Variants in ZNF277 observed in about 807,000 individuals in gnomAD.
ZNF277 encodes the protein nuclear receptor-interacting factor 4.
ZNF277 carries 55 observed loss-of-function variants against 60.7 expected under a neutral mutation model. That is an observed-to-expected ratio of 0.91 (90% confidence interval 0.73 to 1.13). ZNF277 has a LOEUF of 1.13. Ranked by LOEUF, ZNF277 falls within the 50% of genes most tolerant of loss-of-function variation. The pLI, the probability that ZNF277 is intolerant of heterozygous loss-of-function variation, is 0.00. For synonymous variants in ZNF277, 178 were observed against 179.3 expected (o/e 0.99, Z 0.06); for missense variants, 510 against 523.0 (o/e 0.98, Z 0.24).
intron 4 of ZNF277, among the ~76,000 whole-genome samples, chr7:112,314,875 T>A (rs1385264377): frequency 6.6e-6 from 1 of 152,106 alleles, no homozygotes; most frequent in Non-Finnish European, 1.5e-5. Context: ...GGGATTTTAT[T>A]CAGTAGAAAA....
intron 4 of ZNF277, among the ~76,000 whole-genome samples, chr7:112,317,956 T>C (rs181323839): frequency 2.0e-5 from 3 of 152,234 alleles, no homozygotes; most frequent in African/African-American, 7.2e-5. Flanking sequence ...AAAACCTTGT[T>C]GATTTTAATT....
At chr7:112,210,839 C>G (rs1443531891) in intron 1 of ZNF277, among the ~76,000 whole-genome samples, 1 of 152,164 alleles carries the variant, frequency 6.6e-6, no homozygotes, top group Non-Finnish European at 1.5e-5. Context: ...TTCAATTTGT[C>G]TCCTAAAATT....
intron 1 of ZNF277, among the ~76,000 whole-genome samples, chr7:112,271,250 T>G (rs1212978789): frequency 2.6e-5 from 4 of 152,182 alleles, no homozygotes; most frequent in Non-Finnish European, 5.9e-5. Flanking sequence ...ATTTTTGTTA[T>G]GTAAAACAGG....
intron 1 of ZNF277, among the ~76,000 whole-genome samples, chr7:112,208,662 C>T: frequency 8.2e-6 from 1 of 122,296 alleles, no homozygotes; most frequent in African/African-American, 3.1e-5. Context: ...TGACACACGT[C>T]TGTATGATTT....
chr7:112,206,941 GGTGGCCCA>G, intron 1 of ZNF277, 134 bp downstream of exon 1: 1 of 821,432 alleles, frequency 1.2e-6, no homozygotes. Context: ...CCCCACGGGT[GGTGGCCCA>G]GCGGGATGGG....
At chr7:112,213,943 A>G (rs775692090) in intron 1 of ZNF277, among the ~76,000 whole-genome samples, 10 of 152,250 alleles carry the variant, frequency 6.6e-5, no homozygotes, top group Non-Finnish European at 1.3e-4. Flanking sequence ...GTGAGATGAT[A>G]TAATAGTCTG....
At chr7:112,306,928 C>T (rs1792610570) in intron 4 of ZNF277, among the ~76,000 whole-genome samples, 1 of 152,028 alleles carries the variant, frequency 6.6e-6, no homozygotes, top group Non-Finnish European at 1.5e-5. Context: ...CCCCAGAACA[C>T]TAATACACAC....
At chr7:112,246,247 G>A (rs538985689) in intron 1 of ZNF277, among the ~76,000 whole-genome samples, 2 of 152,044 alleles carry the variant, frequency 1.3e-5, no homozygotes, top group Non-Finnish European at 1.5e-5. Flanking sequence ...AATTAGCCAG[G>A]CATGATGGTA....
At chr7:112,339,308 G>A (rs949130512) in intron 9 of ZNF277, among the ~76,000 whole-genome samples, 7 of 152,178 alleles carry the variant, frequency 4.6e-5, no homozygotes, top group Non-Finnish European at 1.0e-4. Context: ...TATAAGCTAT[G>A]AGCAATTATA....
chr7:112,285,264 T>C (rs1584377218), intron 1 of ZNF277, among the ~76,000 whole-genome samples: 1 of 151,872 alleles, frequency 6.6e-6, no homozygotes, highest in Non-Finnish European at 1.5e-5. Flanking sequence ...TCTCTTGACC[T>C]TGTGATCTGC....
At chr7:112,255,811 C>G (rs1273791378) in intron 1 of ZNF277, among the ~76,000 whole-genome samples, 1 of 152,204 alleles carries the variant, frequency 6.6e-6, no homozygotes, top group African/African-American at 2.4e-5. Context: ...TATGCAGTCT[C>G]TGCCTTCCTT....
chr7:112,333,285 C>T (rs1014258070), intron 7 of ZNF277, among the ~76,000 whole-genome samples: 3 of 152,006 alleles, frequency 2.0e-5, no homozygotes, highest in Non-Finnish European at 4.4e-5. Context: ...TGACATCATA[C>T]ATTCTGCATA....
chr7:112,238,234 G>A (rs1456209806), intron 1 of ZNF277, among the ~76,000 whole-genome samples: 1 of 152,250 alleles, frequency 6.6e-6, no homozygotes, highest in Non-Finnish European at 1.5e-5. Flanking sequence ...TTAGCGCAGA[G>A]AGTGCTTAGG....
At chr7:112,250,736 T>A (rs998044058) in intron 1 of ZNF277, among the ~76,000 whole-genome samples, 1 of 152,072 alleles carries the variant, frequency 6.6e-6, no homozygotes, top group South Asian at 2.1e-4. Flanking sequence ...TAACCTCTGC[T>A]CCTCTTGTGG....
chr7:112,296,919 T>TTA (rs1792361896), intron 4 of ZNF277, among the ~76,000 whole-genome samples: 1 of 65,336 alleles, frequency 1.5e-5, no homozygotes, highest in Non-Finnish European at 3.2e-5. Flanking sequence ...TTTATTTTTT[T>TTA]TTTTTTTTTT....
chr7:112,261,330 C>T (rs1485778832), intron 1 of ZNF277, among the ~76,000 whole-genome samples: 3 of 152,160 alleles, frequency 2.0e-5, no homozygotes, highest in African/African-American at 7.2e-5. Flanking sequence ...TTTTACCTAA[C>T]ATACAACAAT....
At chr7:112,282,794 G>A (rs1791978098) in intron 1 of ZNF277, among the ~76,000 whole-genome samples, 1 of 152,222 alleles carries the variant, frequency 6.6e-6, no homozygotes, top group Admixed American at 6.5e-5. Flanking sequence ...TAAAGTGTAA[G>A]CAAGACTGGT....
intron 8 of ZNF277, among the ~76,000 whole-genome samples, chr7:112,336,810 G>A (rs2117140739): frequency 6.6e-6 from 1 of 152,252 alleles, no homozygotes; most frequent in South Asian, 2.1e-4. Context: ...CTTCCAGACT[G>A]AAATAAAAAC....
chr7:112,225,306 T>A (rs1822147162), intron 1 of ZNF277, among the ~76,000 whole-genome samples: 1 of 152,212 alleles, frequency 6.6e-6, no homozygotes, highest in Non-Finnish European at 1.5e-5. Flanking sequence ...TCATTACAGT[T>A]GCCCATATGG....
Sources: allele counts gnomAD v4.1 joint callset (sites outside exome capture counted in the v4.1 genomes callset), GRCh38; gene constraint gnomAD v4.1.1; transcripts MANE v1.5; gene names NCBI Gene and HGNC (gene_info 2026-07-23, HGNC 2026-07-21).